Variants in ZNF362 observed in about 807,000 individuals in gnomAD.
ZNF362 encodes zinc finger protein 362.
A neutral mutation model predicts 42.9 loss-of-function variants in ZNF362; 11 were observed. That is an observed-to-expected ratio of 0.26 (90% CI 0.16 to 0.42). The LOEUF (loss-of-function observed/expected upper bound fraction) is 0.42, where lower values mean the gene tolerates loss of function less well. Among genes scored for constraint, ZNF362 ranks in the 20% least tolerant of loss-of-function variants. The probability of loss-of-function intolerance (pLI) is 1.00; values close to 1 mark genes in which losing one functional copy is unlikely to be tolerated. For missense variants in ZNF362, 362 were observed against 576.2 expected (o/e 0.63, Z 3.81); for synonymous variants, 255 against 257.3 (o/e 0.99, Z 0.09).
intron 6 of ZNF362, among the ~76,000 whole-genome samples, chr1:33,288,589 A>C (rs1472135952): frequency 2.6e-5 from 4 of 151,674 alleles, no homozygotes; most frequent in Non-Finnish European, 5.9e-5. Context: ...CTAAAAATAC[A>C]AAAAAATTAG....
intron 6 of ZNF362, among the ~76,000 whole-genome samples, chr1:33,283,098 T>C (rs1185069073): frequency 1.3e-5 from 2 of 152,000 alleles, no homozygotes; most frequent in Non-Finnish European, 1.5e-5. Flanking sequence ...AATTCAAGGT[T>C]TTTTCTGTTT....
chr1:33,193,525 C>G, the ZNF362 span, among the ~76,000 whole-genome samples: 2 of 152,138 alleles, frequency 1.3e-5, no homozygotes, highest in Non-Finnish European at 2.9e-5. Context: ...GATGAAATAA[C>G]CTGGATAATT....
chr1:33,206,196 G>T, the ZNF362 span, among the ~76,000 whole-genome samples: 7 of 152,042 alleles, frequency 4.6e-5, no homozygotes, highest in Non-Finnish European at 1.0e-4. Flanking sequence ...TCATTAAGGA[G>T]ATGCAAATGA....
At chr1:33,257,074 C>G (rs939935406) in intron 1 of ZNF362, among the ~76,000 whole-genome samples, 1 of 152,182 alleles carries the variant, frequency 6.6e-6, no homozygotes, top group Non-Finnish European at 1.5e-5. Flanking sequence ...GGTGGAGCAG[C>G]CAGTGCCGGA....
At chr1:33,213,213 T>C in the ZNF362 span, among the ~76,000 whole-genome samples, 3 of 152,152 alleles carry the variant, frequency 2.0e-5, no homozygotes, top group Non-Finnish European at 2.9e-5. Flanking sequence ...TGGTGCGATC[T>C]TGGCTCCTGA....
chr1:33,204,851 A>G, the ZNF362 span, among the ~76,000 whole-genome samples: 2 of 152,214 alleles, frequency 1.3e-5, no homozygotes, highest in African/African-American at 4.8e-5. Flanking sequence ...GTAAGAATCT[A>G]TTGTATTTCT....
At chr1:33,168,513 C>T in the ZNF362 span, among the ~76,000 whole-genome samples, 1 of 152,202 alleles carries the variant, frequency 6.6e-6, no homozygotes, top group South Asian at 2.1e-4. Flanking sequence ...ACACAATCAG[C>T]TCTCAGGAGC....
At chr1:33,192,143 G>T in the ZNF362 span, among the ~76,000 whole-genome samples, 32 of 152,246 alleles carry the variant, frequency 2.1e-4, no homozygotes, top group African/African-American at 7.7e-4. Flanking sequence ...CCCCTGGGCT[G>T]GTAATTGACT....
the ZNF362 span, among the ~76,000 whole-genome samples, chr1:33,155,883 C>T: frequency 6.6e-6 from 1 of 152,198 alleles, no homozygotes; most frequent in Non-Finnish European, 1.5e-5. Flanking sequence ...CTACTAGAAA[C>T]CTGTTTCAGA....
chr1:33,222,631 C>T, the ZNF362 span, among the ~76,000 whole-genome samples: 1 of 152,214 alleles, frequency 6.6e-6, no homozygotes, highest in Non-Finnish European at 1.5e-5. Context: ...TGTCATCCTG[C>T]CTTCTTTCTA....
intron 1 of ZNF362, among the ~76,000 whole-genome samples, chr1:33,258,780 A>G (rs1207913421): frequency 1.1e-4 from 16 of 152,310 alleles, no homozygotes; most frequent in African/African-American, 3.6e-4. Flanking sequence ...CAGTTTTCAC[A>G]GTATGGTGTG....
intron 6 of ZNF362, among the ~76,000 whole-genome samples, chr1:33,291,248 G>A (rs1646076138): frequency 6.6e-6 from 1 of 152,120 alleles, no homozygotes; most frequent in Admixed American, 6.5e-5. Context: ...TGTATAAGGT[G>A]TAAGGAAGGG....
chr1:33,250,061 C>CTCAT, the ZNF362 span, among the ~76,000 whole-genome samples: 113 of 152,236 alleles, frequency 7.4e-4, no homozygotes, highest in African/African-American at 1.9e-3. Context: ...CAGTCATGTG[C>CTCAT]TCATTCATTC....
chr1:33,270,563 G>T lies in ZNF362; in HGVS notation c.-12G>T. The T allele has an allele frequency of 6.4e-7, 1 of 1,565,828 alleles. No individual in the cohort carries two copies. The highest frequency in any genetic ancestry group is 8.8e-7 in the Non-Finnish European group (1 of 1,136,434). On this transcript the variant is annotated 5_prime_UTR_variant, in exon 2 of 9. Coordinates refer to ENST00000539719, the MANE Select transcript of ZNF362 (RefSeq NM_152493.3). ...CCGTAGAAGAGGGAACACTTGAGCT[G>T]GGTCTTGAAGGATGAGTAGAAGTTC...
chr1:33,223,142 T>G, the ZNF362 span, among the ~76,000 whole-genome samples: 3 of 152,000 alleles, frequency 2.0e-5, no homozygotes, highest in Non-Finnish European at 4.4e-5. Context: ...TCCCAGCTAC[T>G]CAGGAGGCTG....
the ZNF362 span, among the ~76,000 whole-genome samples, chr1:33,236,734 C>T: frequency 8.0e-5 from 12 of 150,416 alleles, no homozygotes; most frequent in South Asian, 4.2e-4. Flanking sequence ...ATGAGGTGAC[C>T]GATTTGTTAA....
At chr1:33,170,340 C>T in the ZNF362 span, among the ~76,000 whole-genome samples, 12 of 151,734 alleles carry the variant, frequency 7.9e-5, no homozygotes, top group South Asian at 4.2e-4. Flanking sequence ...AAAAAATCTC[C>T]CCTACTAGAT....
At chr1:33,241,495 CAAA>C in the ZNF362 span, among the ~76,000 whole-genome samples, 7 of 91,074 alleles carry the variant, frequency 7.7e-5, no homozygotes, top group Admixed American at 1.2e-4. Context: ...AACTCCATCT[CAAA>C]AAAAAAAAAA....
Position 33,257,180 on chromosome 1 carries a change from ATT to A in ZNF362, c.-89+529_-89+530del, listed in dbSNP as rs558116249. Among the ~76,000 whole-genome samples, 273 of 151,818 alleles carry A rather than the reference ATT, an allele frequency of 1.8e-3. 1 individual carries two copies. Among genetic ancestry groups the A allele is most frequent in the African/African-American group, 6.1e-3 (254 of 41,492 alleles). ...ATTTTTGTTTTTCTTTTGTCTGAAA[ATT>A]TTAATAAAACTGTCTGAGAATGTGG... On this transcript the variant is annotated intron_variant, in intron 1 of 8. Transcript: ENST00000539719.
Sources: allele counts gnomAD v4.1 joint callset (sites outside exome capture counted in the v4.1 genomes callset), GRCh38; gene constraint gnomAD v4.1.1; transcripts MANE v1.5; gene names NCBI Gene and HGNC (gene_info 2026-07-23, HGNC 2026-07-21).